RBFOX1: variants seen among roughly 807,000 people sequenced by gnomAD.
RBFOX1 encodes the protein RNA binding protein fox-1 homolog 1.
In RBFOX1, 8 loss-of-function variants were observed where a neutral mutation model predicts 57.7. The ratio of observed to expected loss-of-function variants is 0.14; its 90% CI spans 0.08 to 0.25. RBFOX1 has a LOEUF of 0.25. RBFOX1 is among the 10% of genes least tolerant of loss of function. The pLI is 1.00. For synonymous variants in RBFOX1, 326 were observed against 222.4 expected, an observed-to-expected ratio of 1.47 and a Z score of -4.15; for missense variants, 611 against 548.5, an observed-to-expected ratio of 1.11 and a Z score of -1.14.
At chr16:6,059,844 C>T (rs372295470) in intron 1 of RBFOX1, among the ~76,000 whole-genome samples, 2 of 152,016 alleles carry the variant, frequency 1.3e-5, no homozygotes, top group Non-Finnish European at 2.9e-5. Context: ...AGCCATGATT[C>T]CAGGAATAGA....
At chr16:5,814,886 G>A (rs978776264) in intron 3 of RBFOX1, among the ~76,000 whole-genome samples, 12 of 151,992 alleles carry the variant, frequency 7.9e-5, no homozygotes, top group Non-Finnish European at 1.3e-4. Flanking sequence ...CCGAGATTGC[G>A]CCACTGCAGT....
chr16:5,389,429 G>T (rs1317246031), intron 1 of RBFOX1, among the ~76,000 whole-genome samples: 2 of 152,040 alleles, frequency 1.3e-5, no homozygotes, highest in African/African-American at 4.8e-5. Context: ...CCAACCACTT[G>T]ATGCAAATAG....
chr16:6,796,145 A>T (rs2083979220), intron 3 of RBFOX1, among the ~76,000 whole-genome samples: 1 of 152,174 alleles, frequency 6.6e-6, no homozygotes, highest in South Asian at 2.1e-4. Flanking sequence ...GGTATGTCTC[A>T]CATGGTGGCG....
chr16:5,537,704 C>A (rs1428379531), intron 2 of RBFOX1, among the ~76,000 whole-genome samples: 1 of 152,148 alleles, frequency 6.6e-6, no homozygotes, highest in South Asian at 2.1e-4. Flanking sequence ...TGGTTGAATC[C>A]TTCTCATTTT....
At chr16:6,350,009 A>G (rs1382042676) in intron 2 of RBFOX1, among the ~76,000 whole-genome samples, 3 of 152,152 alleles carry the variant, frequency 2.0e-5, no homozygotes, top group Non-Finnish European at 2.9e-5. Context: ...AGAGACTTTT[A>G]CTATTAATTA....
At chr16:5,596,780 G>A (rs145818997) in intron 2 of RBFOX1, among the ~76,000 whole-genome samples, 105 of 152,312 alleles carry the variant, frequency 6.9e-4, no homozygotes, top group African/African-American at 2.3e-3. Flanking sequence ...GAGAATTGAC[G>A]CATCTGGCAG....
intron 3 of RBFOX1, among the ~76,000 whole-genome samples, chr16:5,754,462 GAC>G (rs1597112589): frequency 6.7e-6 from 1 of 150,258 alleles, no homozygotes; most frequent in South Asian, 2.2e-4. Flanking sequence ...AAAAGAAAAA[GAC>G]ACAGAGACAA....
intron 11 of RBFOX1, among the ~76,000 whole-genome samples, chr16:7,645,147 A>T (rs1026367145): frequency 4.6e-5 from 7 of 152,060 alleles, no homozygotes; most frequent in African/African-American, 7.3e-5. Flanking sequence ...ATTCTTGCCA[A>T]TTCCTTCGAT....
At chr16:6,615,422 T>A (rs988764221) in intron 2 of RBFOX1, among the ~76,000 whole-genome samples, 22 of 152,052 alleles carry the variant, frequency 1.4e-4, no homozygotes, top group African/African-American at 5.3e-4. Context: ...ATACAAAAAT[T>A]AGCTGGGTGT....
At chr16:7,470,788 C>T (rs1006982940) in intron 4 of RBFOX1, among the ~76,000 whole-genome samples, 1 of 152,032 alleles carries the variant, frequency 6.6e-6, no homozygotes, top group African/African-American at 2.4e-5. Flanking sequence ...ATTGATCTCA[C>T]TGGGGTGGTC....
At chr16:7,565,457 G>T (rs1264046455) in intron 5 of RBFOX1, among the ~76,000 whole-genome samples, 3 of 152,070 alleles carry the variant, frequency 2.0e-5, no homozygotes, top group African/African-American at 7.2e-5. Flanking sequence ...ACAATGTATT[G>T]AATTATGCCA....
intron 1 of RBFOX1, chr16:5,365,966 G>C: frequency 2.0e-6 from 1 of 494,016 alleles, no homozygotes; most frequent in Non-Finnish European, 4.0e-6. Context: ...AGGATGAATC[G>C]TACATTGTGG....
intron 1 of RBFOX1, among the ~76,000 whole-genome samples, chr16:6,146,356 A>T (rs1283898977): frequency 1.3e-5 from 2 of 152,230 alleles, no homozygotes; most frequent in Non-Finnish European, 2.9e-5. Context: ...AAGTAAGTCC[A>T]GATTAGCCTC....
chr16:6,552,926 G>GT (rs534635992), intron 2 of RBFOX1, among the ~76,000 whole-genome samples: 84 of 152,002 alleles, frequency 5.5e-4, no homozygotes, highest in Non-Finnish European at 9.0e-4. Flanking sequence ...TAGATTTCTG[G>GT]TATCTATGTT....
chr16:5,257,343 G>C (rs2062613772), intron 1 of RBFOX1, among the ~76,000 whole-genome samples: 2 of 152,298 alleles, frequency 1.3e-5, no homozygotes, highest in South Asian at 4.1e-4. Flanking sequence ...GGTTTTGCCA[G>C]TTACATGCTA....
At chr16:6,207,791 G>A (rs1189836470) in intron 1 of RBFOX1, among the ~76,000 whole-genome samples, 3 of 151,980 alleles carry the variant, frequency 2.0e-5, no homozygotes, top group African/African-American at 7.3e-5. Context: ...GGGCTCAGGG[G>A]ATCCTCCTAC....
chr16:5,258,776 C>T (rs562236904), intron 1 of RBFOX1, among the ~76,000 whole-genome samples: 4 of 152,190 alleles, frequency 2.6e-5, no homozygotes, highest in African/African-American at 9.6e-5. Flanking sequence ...ATTAGCCGGG[C>T]ATGGTGGCAG....
intron 4 of RBFOX1, among the ~76,000 whole-genome samples, chr16:7,247,207 C>T (rs575673452): frequency 6.6e-6 from 1 of 152,156 alleles, no homozygotes; most frequent in Non-Finnish European, 1.5e-5. Flanking sequence ...GAAATGTTCT[C>T]TTGGTGAAGG....
At chr16:7,145,544 C>G (rs1004869188) in intron 4 of RBFOX1, among the ~76,000 whole-genome samples, 3 of 151,942 alleles carry the variant, frequency 2.0e-5, no homozygotes, top group African/African-American at 7.3e-5. Flanking sequence ...TTTTCTTGCA[C>G]TTAAAGCAAG....
Sources: allele counts gnomAD v4.1 joint callset (sites outside exome capture counted in the v4.1 genomes callset), GRCh38; gene constraint gnomAD v4.1.1; transcripts MANE v1.5; gene names NCBI Gene and HGNC (gene_info 2026-07-23, HGNC 2026-07-21).